The following ENTREP2 variants were observed in gnomAD, a reference collection of about 807,000 sequenced individuals.
ENTREP2 encodes endosomal transmembrane epsin interactor 2.
chr15:29,313,938 T>G, the ENTREP2 span, among the ~76,000 whole-genome samples: 1 of 152,214 alleles, frequency 6.6e-6, no homozygotes, highest in Non-Finnish European at 1.5e-5. Context: ...TTGGAAGAAG[T>G]TGATTCCAAT....
the ENTREP2 span, among the ~76,000 whole-genome samples, chr15:29,292,540 A>C: frequency 1.3e-5 from 2 of 151,906 alleles, no homozygotes; most frequent in African/African-American, 4.8e-5. Context: ...GCCACTACGC[A>C]TGGCTAATTT....
the ENTREP2 span, among the ~76,000 whole-genome samples, chr15:29,206,796 G>A: frequency 1.3e-5 from 2 of 152,120 alleles, no homozygotes; most frequent in Non-Finnish European, 2.9e-5. Flanking sequence ...TGTATGATAC[G>A]TGAATTATAT....
the ENTREP2 span, among the ~76,000 whole-genome samples, chr15:29,423,109 C>T: frequency 6.6e-6 from 1 of 152,142 alleles, no homozygotes; most frequent in Non-Finnish European, 1.5e-5. Flanking sequence ...GAGAATAACA[C>T]AGTCAAGCTA....
chr15:29,137,244 T>G, the ENTREP2 span: 2 of 1,424,452 alleles, frequency 1.4e-6, no homozygotes, highest in African/African-American at 3.0e-5. Flanking sequence ...TTGTGTGGCT[T>G]GTGTCTCATT....
chr15:29,188,021 C>T, the ENTREP2 span, among the ~76,000 whole-genome samples: 1 of 152,170 alleles, frequency 6.6e-6, no homozygotes, highest in Non-Finnish European at 1.5e-5. Flanking sequence ...AACAGGTGGA[C>T]ATGGCTCATG....
the ENTREP2 span, chr15:29,196,448 A>G: frequency 6.4e-7 from 1 of 1,551,644 alleles, no homozygotes; most frequent in South Asian, 1.2e-5. Context: ...TCAGCCTCAC[A>G]GCGTTGCAGT....
chr15:29,395,993 CAAAT>C, the ENTREP2 span, among the ~76,000 whole-genome samples: 2 of 152,078 alleles, frequency 1.3e-5, no homozygotes, highest in African/African-American at 4.8e-5. Flanking sequence ...GTATGACTGA[CAAAT>C]AAAAACTGTA....
chr15:29,582,526 T>C, the ENTREP2 span, among the ~76,000 whole-genome samples: 1 of 151,840 alleles, frequency 6.6e-6, no homozygotes, highest in Admixed American at 6.6e-5. Flanking sequence ...ATTTGAAGAG[T>C]GTTAAAGAAG....
chr15:29,506,814 A>G, the ENTREP2 span, among the ~76,000 whole-genome samples: 7 of 152,214 alleles, frequency 4.6e-5, no homozygotes, highest in Non-Finnish European at 8.8e-5. Flanking sequence ...ACCAAAATGT[A>G]AAGACTATCA....
At chr15:29,371,339 C>T in the ENTREP2 span, among the ~76,000 whole-genome samples, 1 of 141,858 alleles carries the variant, frequency 7.0e-6, no homozygotes. Context: ...CATACCACCA[C>T]ACCCCCGCAA....
chr15:29,538,944 T>C, the ENTREP2 span, among the ~76,000 whole-genome samples: 1 of 152,216 alleles, frequency 6.6e-6, no homozygotes. Context: ...TGCATCCATG[T>C]ATATTAGCAA....
At chr15:29,175,164 G>A in the ENTREP2 span, among the ~76,000 whole-genome samples, 5 of 152,094 alleles carry the variant, frequency 3.3e-5, no homozygotes, top group African/African-American at 1.2e-4. Context: ...CCAGACTGCC[G>A]GCCTGGGATT....
chr15:29,320,985 CT>C, the ENTREP2 span, among the ~76,000 whole-genome samples: 1 of 151,940 alleles, frequency 6.6e-6, no homozygotes, highest in Non-Finnish European at 1.5e-5. Context: ...GTAATATAAA[CT>C]GATAAACTTT....
At chr15:29,525,829 A>G in the ENTREP2 span, among the ~76,000 whole-genome samples, 3 of 152,214 alleles carry the variant, frequency 2.0e-5, no homozygotes, top group African/African-American at 7.2e-5. Context: ...GGATACATGT[A>G]TTACAATTCT....
At chr15:29,223,929 C>T in the ENTREP2 span, among the ~76,000 whole-genome samples, 1 of 152,160 alleles carries the variant, frequency 6.6e-6, no homozygotes, top group Non-Finnish European at 1.5e-5. Flanking sequence ...CTTGCCCGCC[C>T]CCAGCTCGCG....
chr15:29,127,202 G>A, the ENTREP2 span, among the ~76,000 whole-genome samples: 2 of 152,140 alleles, frequency 1.3e-5, no homozygotes, highest in African/African-American at 4.8e-5. Flanking sequence ...ACCACTCTAC[G>A]GGGGCTGGAT....
chr15:29,178,359 T>C, the ENTREP2 span, among the ~76,000 whole-genome samples: 3 of 151,770 alleles, frequency 2.0e-5, no homozygotes, highest in Admixed American at 2.0e-4. Flanking sequence ...CTCAATGAAT[T>C]AGAGAAGACA....
chr15:29,279,817 C>G, the ENTREP2 span, among the ~76,000 whole-genome samples: 2 of 152,114 alleles, frequency 1.3e-5, no homozygotes, highest in African/African-American at 2.4e-5. Context: ...TTTTCACAAA[C>G]TTTATATCAA....
At chr15:29,554,769 G>A in the ENTREP2 span, among the ~76,000 whole-genome samples, 17 of 116,040 alleles carry the variant, frequency 1.5e-4, no homozygotes, top group Non-Finnish European at 2.8e-4. Flanking sequence ...CTACTGCTGT[G>A]GGGTTTTGCA....
Sources: allele counts gnomAD v4.1 joint callset (sites outside exome capture counted in the v4.1 genomes callset), GRCh38; gene constraint gnomAD v4.1.1; transcripts MANE v1.5; gene names NCBI Gene and HGNC (gene_info 2026-07-23, HGNC 2026-07-21).